Variants in TMUB2 observed in about 807,000 individuals in gnomAD.
TMUB2 encodes the protein transmembrane and ubiquitin like domain containing 2, also known as transmembrane and ubiquitin-like domain-containing protein 2.
TMUB2 carries 19 observed loss-of-function variants against 20.2 expected under a neutral mutation model. That is an observed-to-expected ratio of 0.94 (90% confidence interval 0.66 to 1.38). TMUB2 has a LOEUF of 1.38. Among genes scored for constraint, TMUB2 ranks in the 40% most tolerant of loss-of-function variants. The probability of loss-of-function intolerance (pLI) is 0.00; values close to 1 mark genes in which losing one functional copy is unlikely to be tolerated. For synonymous variants in TMUB2, 186 were observed against 166.0 expected (o/e 1.12, Z -0.92); for missense variants, 426 against 402.5 (o/e 1.06, Z -0.50).
chr17:44,189,355 G>A lies in TMUB2; in HGVS notation c.369G>A (p.Glu123=), dbSNP rs1157823886. 1 of 1,604,812 alleles carries A rather than the reference G, an allele frequency of 6.2e-7. No individual in the cohort carries two copies. Residue 123 remains glutamate (E), a synonymous_variant, in exon 3 of 4, where the codon GAG becomes GAA. Transcript: ENST00000538716. ...AAGGTCGGGGAGACTCCACTGGGGA[G>A]GCTGGAGCTGGGGGTGGTGTTGAGC... ...AGEGRGDSTG[E]AGAGGGVEPS... is the part of the protein sequence containing the mutation.
rs2054921895 is a variant in TMUB2, at chr17:44,189,013, T to C, written c.36-9T>C. 1.2e-6 allele frequency: 2 copies of C among 1,608,546 alleles called. No individual in the cohort carries two copies. Among genetic ancestry groups the C allele is most frequent in the Non-Finnish European group, 1.7e-6 (2 of 1,176,866 alleles). The stretch of plus-strand genomic sequence containing the variant: ...GCTCTGCTGATGCTGTCCCCCTTTG[T>C]TCCTGCAGCGTGGACCCTGCCAGCA... On this transcript the variant is annotated splice_polypyrimidine_tract_variant and intron_variant, in intron 2 of 3. Coordinates refer to ENST00000538716, the MANE Select transcript of TMUB2 (RefSeq NM_001076674.3).
At chr17:44,188,328 G>C (rs1305895403) in intron 2 of TMUB2, among the ~76,000 whole-genome samples, 1 of 152,194 alleles carries the variant, frequency 6.6e-6, no homozygotes, top group Non-Finnish European at 1.5e-5. Flanking sequence ...TCTGGTGTCT[G>C]TCCCAAGTTG....
rs773785895 is a variant in TMUB2 at position 44,190,884 on chromosome 17, A to G, written c.*20A>G. 1 of 1,585,326 alleles carries G rather than the reference A, an allele frequency of 6.3e-7. No homozygotes were observed. On this transcript the variant is annotated 3_prime_UTR_variant, in exon 4 of 4. Transcript: ENST00000538716. ...CGATAAGGACATAGGAAGAAAATGA[A>G]AGGCATGGTCTTTCTCCTTTACGGC...
At position 44,190,540 on chromosome 17, in the gene TMUB2, C is replaced by A. The variant is rs777160084; in HGVS notation, c.642C>A (p.Ile214=). The A allele has an allele frequency of 1.2e-6, 2 of 1,612,176 alleles. No homozygotes were observed. The highest frequency in any genetic ancestry group is 1.3e-5 in the African/African-American group (1 of 75,002). ...GACAAGAAAGCCAGATGAAACTGATCTACCAGGGCCGCCTGCTACAAGACC... is the reference window on the plus strand; with the variant it reads ...GACAAGAAAGCCAGATGAAACTGATATACCAGGGCCGCCTGCTACAAGACC... ...FPGQESQMKL[I]YQGRLLQDPA... Residue 214 remains isoleucine, a synonymous_variant, in exon 4 of 4, where the codon ATC becomes ATA. Coordinates refer to ENST00000538716, the MANE Select transcript of TMUB2 (RefSeq NM_001076674.3).
chr17:44,191,741 T>C lies in TMUB2; in HGVS notation c.*877T>C, dbSNP rs2144430679. ...ATTTTGTGGTCCTGCAGCCTCTTTC[T>C]GTGACAGAGAATGGCTTTGCGCTGC... On this transcript the variant is annotated 3_prime_UTR_variant, in exon 4 of 4. Coordinates refer to ENST00000538716, the MANE Select transcript of TMUB2 (RefSeq NM_001076674.3). 2.0e-6 allele frequency: 2 copies of C among 985,622 alleles called. No homozygotes were observed. The highest frequency in any genetic ancestry group is 9.4e-5 in the South Asian group (2 of 21,284). 61.1% of individuals were successfully genotyped at this position (985,622 alleles called of 1,614,324 possible).
Position 44,189,369 on chromosome 17 carries a change from G to C in TMUB2, c.383G>C (p.Gly128Ala). ...TCCACTGGGGAGGCTGGAGCTGGGG[G>C]TGGTGTTGAGCCCAGCCTTGAGCAT... is the stretch of plus-strand genomic sequence containing the variant. ...GDSTGEAGAG[G>A]GVEPSLEHLL... The change falls in exon 3 of 4, where the codon GGT (glycine) becomes GCT (alanine). Residue 128 changes from glycine (G) to alanine (A), a missense_variant. Transcript: ENST00000538716. 6.2e-7 allele frequency: 1 copy of C among 1,610,236 alleles called. No homozygotes were observed. The highest frequency in any genetic ancestry group is 8.5e-7 in the Non-Finnish European group (1 of 1,177,914).
In TMUB2 at chr17:44,191,070, G is replaced by C. The variant is rs2055507931; in HGVS notation, c.*206G>C. Reference sequence around the variant, plus strand: ...GTCCCTCCCGTGCGAGCACAACTCAGGTAGAAATGAGGATGTCATCTTCCT... The same window carrying C: ...GTCCCTCCCGTGCGAGCACAACTCACGTAGAAATGAGGATGTCATCTTCCT... On this transcript the variant is annotated 3_prime_UTR_variant, in exon 4 of 4. Coordinates refer to ENST00000538716, the MANE Select transcript of TMUB2 (RefSeq NM_001076674.3). 4 of 1,365,176 alleles carry C rather than the reference G, an allele frequency of 2.9e-6. No individual in the cohort carries two copies. The highest frequency in any genetic ancestry group is 9.4e-7 in the Non-Finnish European group (1 of 1,061,474). The allele number at this position is 1,365,176 out of a possible 1,614,324, so 84.6% of individuals were successfully genotyped here.
At position 44,189,078 on chromosome 17, in the gene TMUB2, G is replaced by A; in HGVS notation, c.92G>A (p.Gly31Asp). Reference protein sequence around the residue: ...MELSDVTLIEGVGNEVMVVAG... With the variant: ...MELSDVTLIEDVGNEVMVVAG... ...CTCTCTGATGTCACCCTCATTGAGG[G>A]TGTGGGTAATGAGGTGATGGTGGTG... Residue 31 changes from glycine (G) to aspartate (D), a missense_variant, in exon 3 of 4, where the codon GGT (glycine) becomes GAT (aspartate). Physicochemically the swap from Gly to Asp is moderately conservative, Grantham distance 94. Transcript: ENST00000538716. The A allele has an allele frequency of 6.2e-7, 1 of 1,614,146 alleles. No individual in the cohort carries two copies. The highest frequency in any genetic ancestry group is 1.3e-5 in the African/African-American group (1 of 75,028).
chr17:44,190,366 A>G (rs1315932249), intron 3 of TMUB2, 135 bp from the exon 4 acceptor site: 2 of 907,428 alleles, frequency 2.2e-6, no homozygotes, highest in Non-Finnish European at 3.1e-6. Flanking sequence ...AAAAAAAAAA[A>G]AAAAAGGATA....
chr17:44,190,868 C>A lies in TMUB2; in HGVS notation c.*4C>A. On this transcript the variant is annotated 3_prime_UTR_variant, in exon 4 of 4. Coordinates refer to ENST00000538716, the MANE Select transcript of TMUB2 (RefSeq NM_001076674.3). ...ATTTGGGATGTATGGACGATAAGGA[C>A]ATAGGAAGAAAATGAAAGGCATGGT... 1 of 1,596,998 alleles carries A rather than the reference C, an allele frequency of 6.3e-7. No homozygotes were observed. Among genetic ancestry groups the A allele is most frequent in the Non-Finnish European group, 8.5e-7 (1 of 1,170,396 alleles).
intron 2 of TMUB2, chr17:44,187,995 T>C (rs990080876): frequency 1.9e-6 from 1 of 532,056 alleles, no homozygotes; most frequent in African/African-American, 1.9e-5. Flanking sequence ...AGGAGTCTAA[T>C]AGAAAGATGG....
rs369002221 is a variant in TMUB2 at position 44,189,216 on chromosome 17, C to A, written c.230C>A (p.Ser77Tyr). The change falls in exon 3 of 4, where the codon TCC becomes TAC. Residue 77 changes from serine to tyrosine, a missense_variant. Coordinates refer to ENST00000538716, the MANE Select transcript of TMUB2 (RefSeq NM_001076674.3). Reference protein sequence around the residue: ...LGAIVSAGDTSVLHLGHVDHL... With the variant: ...LGAIVSAGDTYVLHLGHVDHL... Reference sequence around the variant, plus strand: ...GCTATTGTGTCAGCAGGCGACACATCCGTCCTCCACCTGGGGCATGTGGAC... The same window carrying A: ...GCTATTGTGTCAGCAGGCGACACATACGTCCTCCACCTGGGGCATGTGGAC... 2.5e-5 allele frequency: 41 copies of A among 1,613,654 alleles called. No individual in the cohort carries two copies. Among genetic ancestry groups the A allele is most frequent in the Non-Finnish European group, 3.2e-5 (38 of 1,179,786 alleles).
At chr17:44,187,177 T>C (rs1430692158) in intron 1 of TMUB2, 68 bp downstream of exon 1, 1 of 156,064 alleles carries the variant, frequency 6.4e-6, no homozygotes, top group Non-Finnish European at 1.4e-5. Flanking sequence ...ACTCCTCGCG[T>C]CCTGAAGCCC....
Position 44,190,847 on chromosome 17 carries a change from G to A in TMUB2, c.949G>A (p.Gly317Arg). Residue 317 changes from glycine (G) to arginine (R), a missense_variant, in exon 4 of 4, where the codon GGG becomes AGG. By Grantham distance (125) the Gly-to-Arg change is moderately radical. Transcript: ENST00000538716. ...CGTCTTCTTCAGCTTCCTAGTATTTGGGATGTATGGACGATAAGGACATAG... is the reference window on the plus strand; with the variant it reads ...CGTCTTCTTCAGCTTCCTAGTATTTAGGATGTATGGACGATAAGGACATAG... ...VTVFFSFLVF[G>R]MYGR 1 of 1,612,558 alleles carries A rather than the reference G, an allele frequency of 6.2e-7. No homozygotes were observed. Among genetic ancestry groups the A allele is most frequent in the Non-Finnish European group, 8.5e-7 (1 of 1,179,148 alleles).
intron 2 of TMUB2, chr17:44,187,994 A>C (rs2054724735): frequency 1.9e-6 from 1 of 534,370 alleles, no homozygotes; most frequent in Admixed American, 3.3e-5. Context: ...CAGGAGTCTA[A>C]TAGAAAGATG....
At chr17:44,187,193 C>T (rs1302239352) in intron 1 of TMUB2, 84 bp downstream of exon 1, 2 of 156,336 alleles carry the variant, frequency 1.3e-5, no homozygotes, top group African/African-American at 4.8e-5. Context: ...AGCCCCGCCC[C>T]CAGTTCCCCA....
At position 44,191,077 on chromosome 17, in the gene TMUB2, A is replaced by G. The variant is rs1160089343; in HGVS notation, c.*213A>G. 7.4e-6 allele frequency: 10 copies of G among 1,350,622 alleles called. No homozygotes were observed. Among genetic ancestry groups the G allele is most frequent in the African/African-American group, 1.5e-5 (1 of 68,054 alleles). The allele number at this position is 1,350,622 out of a possible 1,614,324, so 83.7% of individuals were successfully genotyped here. A position where few individuals can be genotyped will look rare whatever the true frequency, so the allele number is the denominator to read the frequency against. ...CCGTGCGAGCACAACTCAGGTAGAAATGAGGATGTCATCTTCCTTCACTTT... is the reference window on the plus strand; with the variant it reads ...CCGTGCGAGCACAACTCAGGTAGAAGTGAGGATGTCATCTTCCTTCACTTT... On this transcript the variant is annotated 3_prime_UTR_variant, in exon 4 of 4. Coordinates refer to ENST00000538716, the MANE Select transcript of TMUB2 (RefSeq NM_001076674.3).
Position 44,189,375 on chromosome 17 carries a change from T to G in TMUB2, c.389T>G (p.Val130Gly). 3 of 1,610,960 alleles carry G rather than the reference T, an allele frequency of 1.9e-6. No individual in the cohort carries two copies. The highest frequency in any genetic ancestry group is 2.2e-5 in the South Asian group (2 of 90,668). The change falls in exon 3 of 4, where the codon GTT (valine) becomes GGT (glycine). Residue 130 changes from valine to glycine, a missense_variant. Physicochemically the swap from Val to Gly is moderately radical, Grantham distance 109 (BLOSUM62 -3). Coordinates refer to ENST00000538716, the MANE Select transcript of TMUB2 (RefSeq NM_001076674.3). ...GGGGAGGCTGGAGCTGGGGGTGGTGTTGAGCCCAGCCTTGAGCATCTCCTT... is the reference window on the plus strand; with the variant it reads ...GGGGAGGCTGGAGCTGGGGGTGGTGGTGAGCCCAGCCTTGAGCATCTCCTT... The part of the protein sequence containing the change: ...STGEAGAGGG[V>G]EPSLEHLLDI...
chr17:44,190,255 G>C (rs946574070), intron 3 of TMUB2: 1 of 402,776 alleles, frequency 2.5e-6, no homozygotes, highest in Admixed American at 4.3e-5. Context: ...GGAGGGTGAG[G>C]CAGGAGAATT....
Sources: allele counts gnomAD v4.1 joint callset (sites outside exome capture counted in the v4.1 genomes callset), GRCh38; gene constraint gnomAD v4.1.1; transcripts MANE v1.5; gene names NCBI Gene and HGNC (gene_info 2026-07-23, HGNC 2026-07-21).